LRPAP1: variants seen among roughly 807,000 people sequenced by gnomAD.
LRPAP1 encodes the protein LDL receptor related protein associated protein 1.
A neutral mutation model predicts 39.9 loss-of-function variants in LRPAP1; 41 were observed. The observed-to-expected ratio is 1.03, with a 90% CI of 0.80 to 1.33. The LOEUF (loss-of-function observed/expected upper bound fraction) is 1.33, where lower values mean the gene tolerates loss of function less well. Among genes scored for constraint, LRPAP1 ranks in the 40% most tolerant of loss-of-function variants. The probability of loss-of-function intolerance (pLI) is 0.00; values close to 1 mark genes in which losing one functional copy is unlikely to be tolerated. For synonymous variants in LRPAP1, 263 were observed against 212.7 expected (o/e 1.24, Z -2.06); for missense variants, 565 against 482.3 (o/e 1.17, Z -1.61).
At chr4:3,517,729 C>G in intron 5 of LRPAP1, 1 of 289,224 alleles carries the variant, frequency 3.5e-6, no homozygotes, top group Non-Finnish European at 6.4e-6. Context: ...TGGCCAACAG[C>G]AGCACGGGAG....
intron 3 of LRPAP1, 105 bp from the exon 4 acceptor site, chr4:3,519,096 G>T: frequency 1.3e-6 from 2 of 1,525,222 alleles, no homozygotes; most frequent in Admixed American, 2.1e-5. Context: ...TTGCCTACGT[G>T]AGTGCCAGGC....
At chr4:3,525,278 C>T in intron 1 of LRPAP1, 1 of 540,506 alleles carries the variant, frequency 1.9e-6, no homozygotes, top group Non-Finnish European at 3.3e-6. Context: ...ACCCCAAGTC[C>T]ATCGGGGGCT....
intron 1 of LRPAP1, among the ~76,000 whole-genome samples, chr4:3,528,423 G>A (rs1182680216): frequency 6.6e-5 from 10 of 152,170 alleles, no homozygotes; most frequent in Non-Finnish European, 1.3e-4. Flanking sequence ...CCGCGTGCCA[G>A]CAGAGCTTTC....
intron 6 of LRPAP1, 87 bp from the exon 7 acceptor site, chr4:3,515,015 A>G (rs1794442): frequency 0.71 from 1,057,136 of 1,486,320 alleles, 378,744 homozygotes; most frequent in East Asian, 0.94. Flanking sequence ...AGGACGCCAA[A>G]GGACGGCGCC....
At chr4:3,524,355 T>C (rs1730012866) in intron 2 of LRPAP1, among the ~76,000 whole-genome samples, 1 of 152,194 alleles carries the variant, frequency 6.6e-6, no homozygotes. Flanking sequence ...CAACCAAGTG[T>C]CCATTCTGAT....
In LRPAP1 at chr4:3,509,073, G is replaced by A. The variant is rs186626917; in HGVS notation, c.*3901C>T. On this transcript the variant is annotated 3_prime_UTR_variant, in exon 8 of 8. Coordinates refer to ENST00000650182, the MANE Select transcript of LRPAP1 (RefSeq NM_002337.4). ...GTGACAAATGAAATAAAAATACACA[G>A]TCCTCAATAGCATATCGAACACCTA... The A allele has an allele frequency of 6.6e-6, 1 of 152,346 alleles. No homozygotes were observed. The allele number at this position is 152,346 out of a possible 1,614,324, so 9.4% of individuals were successfully genotyped here. A position where few individuals can be genotyped will look rare whatever the true frequency, so the allele number is the denominator to read the frequency against.
intron 5 of LRPAP1, among the ~76,000 whole-genome samples, chr4:3,516,532 G>A (rs1203118552): frequency 2.6e-5 from 4 of 152,266 alleles, no homozygotes; most frequent in African/African-American, 9.6e-5. Context: ...GAGGATGGAC[G>A]TGGCCTGTGT....
chr4:3,505,117 G>A lies in LRPAP1; in HGVS notation c.*7857C>T, dbSNP rs1040237647. 3.9e-5 allele frequency among the ~76,000 whole-genome samples: 6 copies of A among 152,320 alleles called. No homozygotes were observed. Among genetic ancestry groups the A allele is most frequent in the African/African-American group, 9.6e-5 (4 of 41,582 alleles). ...GCCATGGTGGCCCGGGTCCTGCCAC[G>A]CACGCAGCCATAGTGGGCTGGCTAA... On this transcript the variant is annotated 3_prime_UTR_variant, in exon 8 of 8. Transcript: ENST00000650182.
rs918395965 is a variant in LRPAP1 at position 3,514,636 on chromosome 4, A to T, written c.1011+116T>A. ...GCCCTGGGGTTCAACTCGGACAGGG[A>T]AGACAGCAGCGTGGGGCCCACACCC... On this transcript the variant is annotated intron_variant, in intron 7 of 7. Coordinates refer to ENST00000650182, the MANE Select transcript of LRPAP1 (RefSeq NM_002337.4). 3 of 1,332,338 alleles carry T rather than the reference A, an allele frequency of 2.3e-6. No homozygotes were observed. The African/African-American group carries it at 4.4e-5, about 20-fold the overall frequency. The allele number at this position is 1,332,338 out of a possible 1,614,324, so 82.5% of individuals were successfully genotyped here.
chr4:3,531,207 G>C (rs1056903110), intron 1 of LRPAP1, among the ~76,000 whole-genome samples: 2 of 152,162 alleles, frequency 1.3e-5, no homozygotes, highest in Non-Finnish European at 1.5e-5. Context: ...TTCAGGAAGG[G>C]CCTGTGGAGC....
rs184163718 is a variant in LRPAP1 at position 3,521,259 on chromosome 4, G to C, written c.350-1066C>G. On this transcript the variant is annotated intron_variant, in intron 2 of 7. Transcript: ENST00000650182. ...TCCTGCCTTCCCCTCCGGGCCGAGA[G>C]GGCCCCGAGTAGGCCTCTCCCAAGA... is the stretch of plus-strand genomic sequence containing the variant. 2.8e-4 allele frequency among the ~76,000 whole-genome samples: 42 copies of C among 152,318 alleles called. 2 individuals carry two copies. In the East Asian group the frequency reaches 8.1e-3, roughly 29 times the overall value.
chr4:3,528,942 G>A (rs1389069571), intron 1 of LRPAP1, among the ~76,000 whole-genome samples: 1 of 152,196 alleles, frequency 6.6e-6, no homozygotes, highest in African/African-American at 2.4e-5. Flanking sequence ...GCTCCTCTCT[G>A]CAGACCTCAG....
In LRPAP1 at chr4:3,532,315, C is replaced by T. The variant is rs918945873; in HGVS notation, c.98G>A (p.Gly33Asp). The T allele has an allele frequency of 1.1e-5, 17 of 1,581,146 alleles. No homozygotes were observed. The Admixed American group carries it at 2.5e-4, about 23-fold the overall frequency. ...CTGGTTCTTCTCCCGCGAGTACTTG[C>T]CGCCGTGGCTCGCAGCGGGCCAGGG... is the stretch of plus-strand genomic sequence containing the variant. ...LGPWPAASHG[G>D]KYSREKNQPK... The change falls in exon 1 of 8, where the codon GGC becomes GAC. Residue 33 changes from glycine (G) to aspartate (D), a missense_variant. Coordinates refer to ENST00000650182, the MANE Select transcript of LRPAP1 (RefSeq NM_002337.4).
intron 6 of LRPAP1, among the ~76,000 whole-genome samples, chr4:3,515,622 C>CGCTGG (rs1729668090): frequency 6.6e-6 from 1 of 152,148 alleles, no homozygotes; most frequent in East Asian, 1.9e-4. Context: ...ATGGACTCCC[C>CGCTGG]ACTCCTCACA....
In LRPAP1 at chr4:3,511,710, C is replaced by T. The variant is rs1228254479; in HGVS notation, c.*1264G>A. ...ACAATACGCCTGGTGGAGCCTCTTC[C>T]AGGTTCAAACACGGGAACCACGCTC... On this transcript the variant is annotated 3_prime_UTR_variant, in exon 8 of 8. Transcript: ENST00000650182. The T allele has an allele frequency of 1.3e-5, 2 of 150,800 alleles. No homozygotes were observed. The highest frequency in any genetic ancestry group is 4.9e-5 in the African/African-American group (2 of 40,976). The allele number at this position is 150,800 out of a possible 1,614,324, so 9.3% of individuals were successfully genotyped here.
At chr4:3,527,654 T>C (rs961707062) in intron 1 of LRPAP1, among the ~76,000 whole-genome samples, 4 of 152,230 alleles carry the variant, frequency 2.6e-5, no homozygotes, top group African/African-American at 7.2e-5. Flanking sequence ...AAGTGTGTGC[T>C]GGCCTTGAGG....
At chr4:3,524,448 C>G (rs1730014999) in intron 2 of LRPAP1, among the ~76,000 whole-genome samples, 1 of 152,244 alleles carries the variant, frequency 6.6e-6, no homozygotes, top group Admixed American at 6.5e-5. Flanking sequence ...TCCTGCTGTC[C>G]TCCGGCCCCT....
intron 1 of LRPAP1, among the ~76,000 whole-genome samples, chr4:3,528,957 C>T (rs956983880): frequency 2.0e-5 from 3 of 152,118 alleles, no homozygotes; most frequent in African/African-American, 7.2e-5. Flanking sequence ...CCTCAGTTTC[C>T]ACTCGTCAGA....
chr4:3,524,946 C>T lies in LRPAP1; in HGVS notation c.310G>A (p.Asp104Asn). 1 of 1,614,218 alleles carries T rather than the reference C, an allele frequency of 6.2e-7. No homozygotes were observed. The highest frequency in any genetic ancestry group is 2.2e-5 in the East Asian group (1 of 44,892). ...ATGAGTCTCGCTTCCTTCTCCCCAT[C>T]TTCGTCCAAGCCGTCAAGCTTTAGT... ...KKLKLDGLDE[D>N]GEKEARLIRN... The change falls in exon 2 of 8, where the codon GAT becomes AAT. Residue 104 changes from aspartate to asparagine, a missense_variant. Coordinates refer to ENST00000650182, the MANE Select transcript of LRPAP1 (RefSeq NM_002337.4).
Sources: allele counts gnomAD v4.1 joint callset (sites outside exome capture counted in the v4.1 genomes callset), GRCh38; gene constraint gnomAD v4.1.1; transcripts MANE v1.5; gene names NCBI Gene and HGNC (gene_info 2026-07-23, HGNC 2026-07-21).